NDUFV3: variants seen among roughly 807,000 people sequenced by gnomAD.
NDUFV3 encodes the protein NADH:ubiquinone oxidoreductase subunit V3, also known as NADH dehydrogenase [ubiquinone] flavoprotein 3, mitochondrial.
In NDUFV3, 44 loss-of-function variants were observed where a neutral mutation model predicts 37.5. That is an observed-to-expected ratio of 1.17 (90% CI 0.92 to 1.51). NDUFV3 has a LOEUF of 1.51. Ranked by LOEUF, NDUFV3 falls within the 40% of genes most tolerant of loss-of-function variation. The pLI, the probability that NDUFV3 is intolerant of heterozygous loss-of-function variation, is 0.00. For synonymous variants in NDUFV3, 235 were observed against 239.3 expected (o/e 0.98, Z 0.17); for missense variants, 580 against 580.4 (o/e 1.00, Z 0.01).
In NDUFV3 at chr21:42,894,370, AT is replaced by A. The variant is rs1424155334; in HGVS notation, c.48+992del. Among the ~76,000 whole-genome samples, 8 of 17,742 alleles carry A rather than the reference AT, an allele frequency of 4.5e-4. 2 individuals are homozygous for A. The highest frequency in any genetic ancestry group is 1.5e-3 in the African/African-American group (1 of 672). The allele number at this position is 17,742 out of a possible 152,430, so 11.6% of individuals were successfully genotyped here. ...ATATATAAATATATATTATATATAT[AT>A]TTATATAATATGTAAATATATATTA... On this transcript the variant is annotated intron_variant, in intron 1 of 3. Transcript: ENST00000354250.
chr21:42,908,898 C>T lies in NDUFV3; in HGVS notation c.1299C>T (p.Asn433=), dbSNP rs2058754235. 2 of 1,614,054 alleles carry T rather than the reference C, an allele frequency of 1.2e-6. No individual in the cohort carries two copies. Among genetic ancestry groups the T allele is most frequent in the African/African-American group, 2.7e-5 (2 of 74,914 alleles). The change falls in exon 4 of 4, where the codon AAC becomes AAT. Residue 433 remains asparagine (N), a synonymous_variant. Transcript: ENST00000354250. ...PAPVPAEPFD[N]TTYKNLQHHD... Reference sequence around the variant, plus strand: ...CAGTGCCTGCTGAGCCGTTTGACAACACTACCTACAAGAACCTGCAGCATC... The same window carrying T: ...CAGTGCCTGCTGAGCCGTTTGACAATACTACCTACAAGAACCTGCAGCATC...
In NDUFV3 at chr21:42,911,740, G is replaced by A. The variant is rs2058772494; in HGVS notation, c.*2719G>A. ...ACAGGATTCCCCAGTGGTGGTGGTA[G>A]GTGTAACCATTTTAATGTACCTACA... On this transcript the variant is annotated 3_prime_UTR_variant, in exon 4 of 4. Transcript: ENST00000354250. 1 of 152,036 alleles carries A rather than the reference G, an allele frequency of 6.6e-6. No homozygotes were observed. The highest frequency in any genetic ancestry group is 1.5e-5 in the Non-Finnish European group (1 of 68,018). The allele number at this position is 152,036 out of a possible 1,614,324, so 9.4% of individuals were successfully genotyped here. A position where few individuals can be genotyped will look rare whatever the true frequency, so the allele number is the denominator to read the frequency against.
intron 3 of NDUFV3, chr21:42,906,995 TA>T (rs2058745034): frequency 4.7e-6 from 2 of 428,416 alleles, no homozygotes; most frequent in Non-Finnish European, 9.3e-6. Flanking sequence ...GTATTTAGGT[TA>T]TTTTTTTGTG....
At chr21:42,905,633 A>G (rs2058737834) in intron 3 of NDUFV3, among the ~76,000 whole-genome samples, 2 of 152,026 alleles carry the variant, frequency 1.3e-5, no homozygotes, top group Non-Finnish European at 2.9e-5. Context: ...CTCCAGCCTC[A>G]GCCTCCAAAG....
rs913065054 is a variant in NDUFV3 at position 42,893,489 on chromosome 21, C to T, written c.48+108C>T. On this transcript the variant is annotated intron_variant, in intron 1 of 3. Transcript: ENST00000354250. Reference sequence around the variant, plus strand: ...GTCCGGGCCTGTCCGCGACCTCTAGCCGTCCTAGTTGGGCCGCTGACCCCG... The same window carrying T: ...GTCCGGGCCTGTCCGCGACCTCTAGTCGTCCTAGTTGGGCCGCTGACCCCG... 49 of 1,318,836 alleles carry T rather than the reference C, an allele frequency of 3.7e-5. No individual in the cohort carries two copies. The Middle Eastern group carries it at 1.8e-3, about 48-fold the overall frequency. 81.7% of individuals were successfully genotyped at this position (1,318,836 alleles called of 1,614,324 possible). A position where few individuals can be genotyped will look rare whatever the true frequency, so the allele number is the denominator to read the frequency against.
rs1232773600 is a variant in NDUFV3 at position 42,903,476 on chromosome 21, C to G, written c.464C>G (p.Ser155Cys). 1.3e-5 allele frequency: 21 copies of G among 1,614,086 alleles called. No individual in the cohort carries two copies. The highest frequency in any genetic ancestry group is 1.7e-5 in the Non-Finnish European group (20 of 1,179,934). Residue 155 changes from serine (S) to cysteine (C), a missense_variant, in exon 3 of 4, where the codon TCC becomes TGC. By Grantham distance (112) the Ser-to-Cys change is moderately radical. Coordinates refer to ENST00000354250, the MANE Select transcript of NDUFV3 (RefSeq NM_021075.4). Reference sequence around the variant, plus strand: ...AAAGTGACGTCGCCTTCGTCTTCATCCTCTTCCAGCTCCTCTGATTCTGAA... The same window carrying G: ...AAAGTGACGTCGCCTTCGTCTTCATGCTCTTCCAGCTCCTCTGATTCTGAA... The part of the protein sequence containing the change: ...GRKVTSPSSS[S>C]SSSSSDSESD...
intron 2 of NDUFV3, among the ~76,000 whole-genome samples, chr21:42,902,284 G>A (rs892649879): frequency 9.9e-5 from 15 of 152,270 alleles, no homozygotes; most frequent in Non-Finnish European, 1.9e-4. Flanking sequence ...AACACTTGTA[G>A]AGGTTTCCAT....
At chr21:42,893,499 T>G (rs1214294205) in intron 1 of NDUFV3, 118 bp downstream of exon 1, 1 of 1,202,432 alleles carries the variant, frequency 8.3e-7, no homozygotes. Flanking sequence ...CCGTCCTAGT[T>G]GGGCCGCTGA....
intron 1 of NDUFV3, among the ~76,000 whole-genome samples, chr21:42,894,351 A>AAATATAT (rs71194088): frequency 4.3e-4 from 16 of 37,426 alleles, no homozygotes; most frequent in African/African-American, 1.4e-3. Context: ...TATTATATAT[A>AAATATAT]AATATATATT....
chr21:42,906,706 G>A (rs528859471), intron 3 of NDUFV3: 74 of 333,754 alleles, frequency 2.2e-4, no homozygotes, highest in South Asian at 1.6e-3. Flanking sequence ...ATGGGGCCGC[G>A]GTCTCACTAG....
intron 3 of NDUFV3, among the ~76,000 whole-genome samples, chr21:42,905,779 G>C (rs182410897): frequency 1.3e-3 from 192 of 151,954 alleles, no homozygotes; most frequent in South Asian, 2.3e-3. Flanking sequence ...GCCTCCCAAA[G>C]TGCTGGGATT....
intron 3 of NDUFV3, chr21:42,906,759 T>C (rs751516893): frequency 2.2e-6 from 1 of 450,864 alleles, no homozygotes; most frequent in Non-Finnish European, 4.4e-6. Context: ...AGAGTGGTTT[T>C]AGATCAGAGT....
chr21:42,908,802 C>G, intron 3 of NDUFV3, 62 bp from the exon 4 acceptor site: 3 of 1,595,744 alleles, frequency 1.9e-6, no homozygotes, highest in East Asian at 4.5e-5. Flanking sequence ...TGTGTGTGAG[C>G]CGAGTCATTC....
In NDUFV3 at chr21:42,912,628, C is replaced by T. The variant is rs980829424; in HGVS notation, c.*3607C>T. The T allele has an allele frequency of 1.3e-4, 20 of 151,800 alleles. No individual in the cohort carries two copies. Among genetic ancestry groups the T allele is most frequent in the African/African-American group, 3.9e-4 (16 of 41,192 alleles). The allele number at this position is 151,800 out of a possible 1,614,324, so 9.4% of individuals were successfully genotyped here. ...AAAAAATTGGCCAGGTGCGGTGGCT[C>T]ACGCCTGTAATCCCAGCACTTTGGG... is the stretch of plus-strand genomic sequence containing the variant. On this transcript the variant is annotated 3_prime_UTR_variant, in exon 4 of 4. Transcript: ENST00000354250.
chr21:42,902,035 C>G (rs139654766), intron 2 of NDUFV3, among the ~76,000 whole-genome samples: 1 of 152,038 alleles, frequency 6.6e-6, no homozygotes, highest in African/African-American at 2.4e-5. Flanking sequence ...ATGGAGAAAC[C>G]CTGTCTCTAC....
At position 42,896,953 on chromosome 21, in the gene NDUFV3, T is replaced by C. The variant is rs1316312652; in HGVS notation, c.75T>C (p.Phe25=). The change falls in exon 2 of 4, where the codon TTT becomes TTC. Residue 25 remains phenylalanine, a synonymous_variant. Coordinates refer to ENST00000354250, the MANE Select transcript of NDUFV3 (RefSeq NM_021075.4). ...CTATGCTCCAGGAAGCCCAGGTGTT[T>C]CGAGGACTTGCTTCTACGGTTTCTT... ...LKTMLQEAQV[F]RGLASTVSLS... 6.2e-7 allele frequency: 1 copy of C among 1,614,028 alleles called. No homozygotes were observed. The highest frequency in any genetic ancestry group is 1.1e-5 in the South Asian group (1 of 91,082).
rs560705384 is a variant in NDUFV3, at chr21:42,897,965, C to T, written c.169+918C>T. ...TGCTGGAATTACAGGCGTGAGCCAC[C>T]GTGCCCAGTCCTAAATCTTTAATCA... On this transcript the variant is annotated intron_variant, in intron 2 of 3. Coordinates refer to ENST00000354250, the MANE Select transcript of NDUFV3 (RefSeq NM_021075.4). 1.6e-4 allele frequency among the ~76,000 whole-genome samples: 25 copies of T among 152,238 alleles called. No homozygotes were observed. In the East Asian group the frequency reaches 2.5e-3, roughly 15 times the overall value.
At chr21:42,903,037 TTGG>T (rs2058723520) in intron 2 of NDUFV3, 142 bp from the exon 3 acceptor site, 1 of 1,148,922 alleles carries the variant, frequency 8.7e-7, no homozygotes, top group African/African-American at 1.5e-5. Context: ...AGTTGGTTGC[TTGG>T]TGGGTTTCTA....
chr21:42,906,061 G>C (rs761693876), intron 3 of NDUFV3, among the ~76,000 whole-genome samples: 38 of 144,632 alleles, frequency 2.6e-4, no homozygotes, highest in South Asian at 6.7e-4. Flanking sequence ...ACAGCGTTTT[G>C]CCATGTTGGT....
Sources: gnomAD v4.1 joint callset for allele counts (sites outside exome capture counted in the v4.1 genomes callset) on GRCh38, gnomAD v4.1.1 for gene constraint, MANE v1.5 for transcripts, NCBI Gene and HGNC (gene_info 2026-07-23, HGNC 2026-07-21) for gene names.